Variants in MYO3B observed in about 807,000 individuals in gnomAD.
MYO3B encodes myosin IIIB.
In MYO3B, 156 loss-of-function variants were observed where a neutral mutation model predicts 174.6. The observed-to-expected ratio is 0.89, with a 90% CI of 0.78 to 1.02. The LOEUF (loss-of-function observed/expected upper bound fraction) is 1.02, where lower values mean the gene tolerates loss of function less well. Among genes scored for constraint, MYO3B ranks in the 50% least tolerant of loss-of-function variants. MYO3B has a pLI of 0.00. For synonymous variants in MYO3B, 563 were observed against 569.1 expected (o/e 0.99, Z 0.15); for missense variants, 1,632 against 1,639.4 (o/e 1.00, Z 0.08).
intron 12 of MYO3B, 77 bp downstream of exon 12, chr2:170,383,891 T>C: frequency 8.4e-7 from 1 of 1,188,694 alleles, no homozygotes; most frequent in Non-Finnish European, 1.2e-6. Flanking sequence ...TCCTAAGTCT[T>C]CCTGAAACCT....
chr2:170,230,365 T>TTGGA (rs1559318980), intron 6 of MYO3B, among the ~76,000 whole-genome samples: 2 of 140,768 alleles, frequency 1.4e-5, no homozygotes, highest in African/African-American at 5.8e-5. Context: ...TTTTTTTTAG[T>TTGGA]AGAGACGGGG....
At chr2:170,649,262 A>G (rs1344170696) in intron 32 of MYO3B, among the ~76,000 whole-genome samples, 1 of 38,112 alleles carries the variant, frequency 2.6e-5, no homozygotes, top group Non-Finnish European at 4.1e-5. Context: ...AATAATATAT[A>G]ATATATTATA....
chr2:170,309,479 A>AT (rs2105465373), intron 7 of MYO3B, among the ~76,000 whole-genome samples: 1 of 152,068 alleles, frequency 6.6e-6, no homozygotes, highest in African/African-American at 2.4e-5. Flanking sequence ...CTTAGCTAAT[A>AT]TTTTTTGCAT....
At chr2:170,491,499 C>G (rs1237049797) in intron 25 of MYO3B, among the ~76,000 whole-genome samples, 1 of 152,104 alleles carries the variant, frequency 6.6e-6, no homozygotes, top group Non-Finnish European at 1.5e-5. Flanking sequence ...GATCTCTGCT[C>G]ACTGCAAGCT....
At chr2:170,466,152 G>T (rs1163222227) in intron 24 of MYO3B, among the ~76,000 whole-genome samples, 1 of 152,180 alleles carries the variant, frequency 6.6e-6, no homozygotes, top group Non-Finnish European at 1.5e-5. Context: ...TTCCTCAAAA[G>T]CTGGACATTT....
At chr2:170,436,030 G>A (rs1252432796) in intron 22 of MYO3B, among the ~76,000 whole-genome samples, 1 of 152,186 alleles carries the variant, frequency 6.6e-6, no homozygotes, top group Non-Finnish European at 1.5e-5. Context: ...CAGACCACTT[G>A]TGTCTTTTCT....
rs116377306 is a variant in MYO3B, at chr2:170,351,468, C to T, written c.815+16018C>T. Among the ~76,000 whole-genome samples the T allele has an allele frequency of 1.9e-3, 296 of 152,180 alleles. 1 individual carries two copies. The highest frequency in any genetic ancestry group is 7.0e-3 in the African/African-American group (290 of 41,508). ...TGAGGATGGTAGAAGGATATATAAG[C>T]AGCCAGGCCTGTGGCTGCCACAGTC... On this transcript the variant is annotated intron_variant, in intron 8 of 34. Coordinates refer to ENST00000408978, the MANE Select transcript of MYO3B (RefSeq NM_138995.5).
chr2:170,386,399 C>T lies in MYO3B; in HGVS notation c.1374+127C>T, dbSNP rs909808794. 42 of 691,356 alleles carry T rather than the reference C, an allele frequency of 6.1e-5. No individual in the cohort carries two copies. The East Asian group carries it at 8.4e-4, about 14-fold the overall frequency. 42.8% of individuals were successfully genotyped at this position (691,356 alleles called of 1,614,324 possible). ...ACATAAAGACATTCCATCTTTGCTA[C>T]GTTTGCCTCCTGATAGCGAGGCCTC... On this transcript the variant is annotated intron_variant, in intron 13 of 34. Transcript: ENST00000408978.
intron 6 of MYO3B, among the ~76,000 whole-genome samples, chr2:170,231,490 G>A (rs2093015840): frequency 6.6e-6 from 1 of 152,216 alleles, no homozygotes; most frequent in Non-Finnish European, 1.5e-5. Flanking sequence ...GATATTGCTA[G>A]TAATCCAGCA....
At chr2:170,637,387 G>A (rs1161567394) in intron 32 of MYO3B, among the ~76,000 whole-genome samples, 5 of 151,996 alleles carry the variant, frequency 3.3e-5, no homozygotes, top group African/African-American at 1.2e-4. Flanking sequence ...TGGACAGGCT[G>A]GTCTTAAACT....
chr2:170,623,391 A>C (rs1307087058), intron 32 of MYO3B, among the ~76,000 whole-genome samples: 1 of 152,132 alleles, frequency 6.6e-6, no homozygotes, highest in East Asian at 1.9e-4. Context: ...GTGTCTGTTC[A>C]TATACTTTGC....
intron 32 of MYO3B, among the ~76,000 whole-genome samples, chr2:170,647,655 AACC>A (rs759938447): frequency 2.0e-4 from 30 of 152,224 alleles, no homozygotes; most frequent in Non-Finnish European, 3.7e-4. Context: ...ATAGTGTAGA[AACC>A]ATAAGATTAG....
intron 32 of MYO3B, among the ~76,000 whole-genome samples, chr2:170,623,511 T>A (rs149664478): frequency 1.3e-5 from 2 of 152,168 alleles, no homozygotes; most frequent in Non-Finnish European, 2.9e-5. Context: ...AATTTTCTCC[T>A]ATTCTGTAGG....
intron 22 of MYO3B, among the ~76,000 whole-genome samples, chr2:170,416,051 A>G (rs139929373): frequency 3.3e-5 from 5 of 152,270 alleles, no homozygotes; most frequent in Non-Finnish European, 5.9e-5. Flanking sequence ...CCCTAATCCA[A>G]TATAAATGAT....
At chr2:170,501,626 T>G (rs1687273517) in intron 27 of MYO3B, among the ~76,000 whole-genome samples, 159 bp from the exon 28 acceptor site, 1 of 152,188 alleles carries the variant, frequency 6.6e-6, no homozygotes, top group South Asian at 2.1e-4. Context: ...GAGGCCTCTC[T>G]TCTCGCCATA....
intron 6 of MYO3B, among the ~76,000 whole-genome samples, chr2:170,221,288 T>G (rs1164485185): frequency 6.6e-6 from 1 of 152,186 alleles, no homozygotes; most frequent in Non-Finnish European, 1.5e-5. Flanking sequence ...ATTTTTAAAA[T>G]GCAGCTGAGA....
chr2:170,493,660 A>G (rs1006052856), intron 25 of MYO3B, among the ~76,000 whole-genome samples: 2 of 152,252 alleles, frequency 1.3e-5, no homozygotes, highest in African/African-American at 4.8e-5. Context: ...CGAAGAATAT[A>G]GAAGAAATGA....
intron 6 of MYO3B, among the ~76,000 whole-genome samples, chr2:170,232,511 G>T (rs1402538282): frequency 6.6e-6 from 1 of 152,218 alleles, no homozygotes; most frequent in African/African-American, 2.4e-5. Flanking sequence ...GAGTGCAGAA[G>T]CTGATAATTT....
intron 23 of MYO3B, among the ~76,000 whole-genome samples, chr2:170,456,521 T>C (rs1683919040): frequency 6.6e-6 from 1 of 152,202 alleles, no homozygotes; most frequent in African/African-American, 2.4e-5. Flanking sequence ...ACATGGGGTA[T>C]ATGAACCCAG....
Sources: gnomAD v4.1 joint callset for allele counts (sites outside exome capture counted in the v4.1 genomes callset) on GRCh38, gnomAD v4.1.1 for gene constraint, MANE v1.5 for transcripts, NCBI Gene and HGNC (gene_info 2026-07-23, HGNC 2026-07-21) for gene names.